Variants in SNX18 observed in about 807,000 individuals in gnomAD.
The protein encoded by SNX18 is sorting nexin-18.
Under a neutral mutation model 48.7 loss-of-function variants are expected in SNX18, and 35 were observed. That is an observed-to-expected ratio of 0.72 (90% CI 0.55 to 0.95). SNX18 has a LOEUF of 0.95. Ranked by LOEUF, SNX18 falls within the 40% of genes least tolerant of loss-of-function variation. SNX18 has a pLI of 0.00. For synonymous variants in SNX18, 492 were observed against 384.7 expected, an observed-to-expected ratio of 1.28 and a Z score of -3.26; for missense variants, 824 against 871.0, an observed-to-expected ratio of 0.95 and a Z score of 0.68.
At chr5:54,637,289 T>C in the SNX18 span, among the ~76,000 whole-genome samples, 5 of 152,168 alleles carry the variant, frequency 3.3e-5, no homozygotes, top group Non-Finnish European at 5.9e-5. Flanking sequence ...CTGAAATAAA[T>C]CTCCTATAAT....
the SNX18 span, among the ~76,000 whole-genome samples, chr5:54,567,601 T>A: frequency 6.6e-6 from 1 of 152,250 alleles, no homozygotes; most frequent in Non-Finnish European, 1.5e-5. Flanking sequence ...TGGAAGGAAA[T>A]GCATGATTTT....
the SNX18 span, among the ~76,000 whole-genome samples, chr5:54,580,581 G>A: frequency 6.6e-6 from 1 of 152,124 alleles, no homozygotes; most frequent in Non-Finnish European, 1.5e-5. Flanking sequence ...AAGATTTCAA[G>A]CCAAGTTTTG....
At chr5:54,622,413 C>T in the SNX18 span, among the ~76,000 whole-genome samples, 6 of 151,672 alleles carry the variant, frequency 4.0e-5, no homozygotes, top group African/African-American at 1.5e-4. Flanking sequence ...GTGGGAAGAT[C>T]GTTTGAGCCC....
At chr5:54,605,540 A>G in the SNX18 span, among the ~76,000 whole-genome samples, 1 of 152,208 alleles carries the variant, frequency 6.6e-6, no homozygotes, top group East Asian at 1.9e-4. Context: ...TTTTTAGTTG[A>G]AAACAATGTT....
rs1468295130 is a variant in SNX18, at chr5:54,518,846, C to T, written c.894C>T (p.Tyr298=). The part of the protein sequence containing the change: ...KFKGMKSYIS[Y]KLVPTHTQVP... ...AGGGCATGAAGAGCTACATCTCCTACAAGCTGGTGCCCACGCACACGCAGG... is the reference window on the plus strand; with the variant it reads ...AGGGCATGAAGAGCTACATCTCCTATAAGCTGGTGCCCACGCACACGCAGG... The change falls in exon 1 of 2, where the codon TAC becomes TAT. Residue 298 remains tyrosine (Y), a synonymous_variant. Coordinates refer to ENST00000381410, the MANE Select transcript of SNX18 (RefSeq NM_001102575.2). 1.2e-6 allele frequency: 2 copies of T among 1,611,870 alleles called. No individual in the cohort carries two copies. Among genetic ancestry groups the T allele is most frequent in the Non-Finnish European group, 1.7e-6 (2 of 1,178,724 alleles).
At position 54,544,537 on chromosome 5, in the gene SNX18, C is replaced by G. The variant is rs1484861455; in HGVS notation, c.*1105C>G. ...GTCATGAAAAGTGGTGTGGATTGATCTAAGGAGGGACCAGAAATAATTTTT... is the reference window on the plus strand; with the variant it reads ...GTCATGAAAAGTGGTGTGGATTGATGTAAGGAGGGACCAGAAATAATTTTT... On this transcript the variant is annotated 3_prime_UTR_variant, in exon 2 of 2. Transcript: ENST00000381410. The G allele has an allele frequency of 1.4e-5, 2 of 146,978 alleles. No homozygotes were observed. Among genetic ancestry groups the G allele is most frequent in the African/African-American group, 2.5e-5 (1 of 39,782 alleles). 9.1% of individuals were successfully genotyped at this position (146,978 alleles called of 1,614,324 possible). A position where few individuals can be genotyped will look rare whatever the true frequency, so the allele number is the denominator to read the frequency against.
chr5:54,591,790 G>C, the SNX18 span, among the ~76,000 whole-genome samples: 1 of 152,202 alleles, frequency 6.6e-6, no homozygotes, highest in Non-Finnish European at 1.5e-5. Context: ...TTTTTAGACA[G>C]AGGTGCCACA....
chr5:54,640,948 T>C, the SNX18 span, among the ~76,000 whole-genome samples: 3 of 152,124 alleles, frequency 2.0e-5, no homozygotes, highest in Non-Finnish European at 2.9e-5. Context: ...TAGTCCCAGA[T>C]ACTCAGGAAG....
At chr5:54,560,228 A>C in the SNX18 span, among the ~76,000 whole-genome samples, 1 of 152,242 alleles carries the variant, frequency 6.6e-6, no homozygotes, top group Admixed American at 6.5e-5. Flanking sequence ...AATCAACTTC[A>C]ATGCCCATCA....
the SNX18 span, among the ~76,000 whole-genome samples, chr5:54,642,089 G>A: frequency 1.2e-4 from 18 of 152,170 alleles, no homozygotes; most frequent in African/African-American, 3.4e-4. Flanking sequence ...ATATGTATTC[G>A]TTGATGCTAC....
intron 1 of SNX18, among the ~76,000 whole-genome samples, chr5:54,532,294 A>G (rs943316266): frequency 1.4e-5 from 2 of 148,064 alleles, no homozygotes; most frequent in Non-Finnish European, 3.0e-5. Context: ...GCTTGCAAAC[A>G]TATCTATTGT....
intron 1 of SNX18, among the ~76,000 whole-genome samples, chr5:54,534,680 G>T (rs865952197): frequency 4.8e-5 from 7 of 146,404 alleles, no homozygotes; most frequent in African/African-American, 5.1e-5. Flanking sequence ...TTTTTGTTTT[G>T]TTTTTTTTTT....
At chr5:54,612,222 A>G in the SNX18 span, among the ~76,000 whole-genome samples, 1 of 151,674 alleles carries the variant, frequency 6.6e-6, no homozygotes, top group African/African-American at 2.4e-5. Flanking sequence ...TAAAGAGTAG[A>G]TTCTTTCCAA....
intron 1 of SNX18, among the ~76,000 whole-genome samples, chr5:54,541,383 A>C (rs574511401): frequency 6.6e-6 from 1 of 152,324 alleles, no homozygotes; most frequent in East Asian, 1.9e-4. Context: ...CTGTACAAAT[A>C]TAACAAAGAT....
At chr5:54,521,078 T>C (rs1360088610) in intron 1 of SNX18, 3 of 153,830 alleles carry the variant, frequency 2.0e-5, no homozygotes, top group Non-Finnish European at 2.9e-5. Flanking sequence ...GAACTGCCTT[T>C]GTGAGCCTTT....
the SNX18 span, among the ~76,000 whole-genome samples, chr5:54,626,308 G>A: frequency 4.1e-4 from 63 of 152,280 alleles, no homozygotes; most frequent in African/African-American, 1.5e-3. Flanking sequence ...CCCTAAATAT[G>A]AGATAATTTC....
the SNX18 span, among the ~76,000 whole-genome samples, chr5:54,619,209 T>G: frequency 1.3e-5 from 2 of 151,976 alleles, 1 homozygote; most frequent in Admixed American, 1.3e-4. Context: ...TGACAGATGG[T>G]GCATTAAAAA....
chr5:54,603,430 T>C, the SNX18 span, among the ~76,000 whole-genome samples: 1 of 152,010 alleles, frequency 6.6e-6, no homozygotes, highest in East Asian at 1.9e-4. Context: ...CTAAGGACTG[T>C]TATCTGATCT....
At chr5:54,583,068 C>A in the SNX18 span, among the ~76,000 whole-genome samples, 1 of 152,176 alleles carries the variant, frequency 6.6e-6, no homozygotes, top group African/African-American at 2.4e-5. Context: ...GTATTATTCA[C>A]CATTGTATGT....
Sources: allele counts gnomAD v4.1 joint callset (sites outside exome capture counted in the v4.1 genomes callset), GRCh38; gene constraint gnomAD v4.1.1; transcripts MANE v1.5; gene names NCBI Gene and HGNC (gene_info 2026-07-23, HGNC 2026-07-21).